The following HACL1 variants were observed in gnomAD, a reference collection of about 807,000 sequenced individuals.
HACL1 encodes the protein 2-hydroxyacyl-CoA lyase 1.
HACL1 carries 64 observed loss-of-function variants against 74.2 expected under a neutral mutation model. The ratio of observed to expected loss-of-function variants is 0.86; its 90% CI spans 0.70 to 1.06. HACL1 has a LOEUF of 1.06. Ranked by LOEUF, HACL1 falls within the 50% of genes least tolerant of loss-of-function variation. The pLI, the probability that HACL1 is intolerant of heterozygous loss-of-function variation, is 0.00. For missense variants in HACL1, 728 were observed against 719.7 expected, an observed-to-expected ratio of 1.01 and a Z score of -0.13; for synonymous variants, 230 against 238.8, an observed-to-expected ratio of 0.96 and a Z score of 0.34.
intron 8 of HACL1, among the ~76,000 whole-genome samples, chr3:15,582,228 C>T (rs1407265734): frequency 6.6e-6 from 1 of 152,130 alleles, no homozygotes; most frequent in Non-Finnish European, 1.5e-5. Context: ...GGTACAACAC[C>T]TCCAGAGAAA....
chr3:15,567,319 T>C (rs1343687904), intron 14 of HACL1, among the ~76,000 whole-genome samples: 1 of 151,040 alleles, frequency 6.6e-6, no homozygotes, highest in South Asian at 2.1e-4. Context: ...AAGCAACTCT[T>C]CTGCTTCAGC....
Position 15,571,674 on chromosome 3 carries a change from T to C in HACL1, c.1089A>G (p.Ala363=). The C allele has an allele frequency of 7.3e-7, 1 of 1,370,394 alleles. No homozygotes were observed. Among genetic ancestry groups the C allele is most frequent in the Non-Finnish European group, 1.0e-6 (1 of 958,114 alleles). The allele number at this position is 1,370,394 out of a possible 1,614,324, so 84.9% of individuals were successfully genotyped here. A position where few individuals can be genotyped will look rare whatever the true frequency, so the allele number is the denominator to read the frequency against. Residue 363 remains alanine (A), a synonymous_variant, in exon 12 of 17, where the codon GCA becomes GCG. Coordinates refer to ENST00000321169, the MANE Select transcript of HACL1 (RefSeq NM_012260.4). Reference sequence around the variant, plus strand: ...TCAGTAGGTCCGATTTTACCTTGGATGCAGCTTCATTGCTCTTCATTTTTT... The same window carrying C: ...TCAGTAGGTCCGATTTTACCTTGGACGCAGCTTCATTGCTCTTCATTTTTT... ...LREKMKSNEA[A]SKELASKKSL... is the part of the protein sequence containing the mutation.
At chr3:15,564,505 A>C in intron 15 of HACL1, 46 bp downstream of exon 15, 1 of 845,850 alleles carries the variant, frequency 1.2e-6, no homozygotes, top group Non-Finnish European at 2.0e-6. Context: ...AAAAGAGATT[A>C]AAACGGGAAA....
chr3:15,593,372 C>CA (rs1035654841), intron 3 of HACL1, among the ~76,000 whole-genome samples: 1 of 152,086 alleles, frequency 6.6e-6, no homozygotes, highest in African/African-American at 2.4e-5. Flanking sequence ...TGCCACCACA[C>CA]CCGGCTAATT....
chr3:15,601,153 G>A lies in HACL1; in HGVS notation c.123C>T (p.Thr41=). 6.2e-7 allele frequency: 1 copy of A among 1,613,906 alleles called. No individual in the cohort carries two copies. Among genetic ancestry groups the A allele is most frequent in the Non-Finnish European group, 8.5e-7 (1 of 1,179,796 alleles). The part of the protein sequence containing the change: ...YIFGIVGIPV[T]EIAIAAQQLG... Reference sequence around the variant, plus strand: ...GCTGCTGGGCAGCAATGGCGATTTCGGTCACTGGGATGCCTACGATGCCAA... The same window carrying A: ...GCTGCTGGGCAGCAATGGCGATTTCAGTCACTGGGATGCCTACGATGCCAA... The change falls in exon 2 of 17, where the codon ACC becomes ACT. Residue 41 remains threonine, a synonymous_variant. Coordinates refer to ENST00000321169, the MANE Select transcript of HACL1 (RefSeq NM_012260.4).
At chr3:15,569,456 C>T (rs149170915) in intron 12 of HACL1, among the ~76,000 whole-genome samples, 2,465 of 151,530 alleles carry the variant, frequency 0.016, 66 homozygotes, top group African/African-American at 0.053. Context: ...GAGGCCAAGG[C>T]GGGCGGATCA....
rs1353977353 is a variant in HACL1 at position 15,601,426 on chromosome 3, T to C, written c.38A>G (p.Gln13Arg). The change falls in exon 1 of 17, where the codon CAG becomes CGG. Residue 13 changes from glutamine to arginine, a missense_variant. By Grantham distance (43) the Gln-to-Arg change is conservative. Coordinates refer to ENST00000321169, the MANE Select transcript of HACL1 (RefSeq NM_012260.4). ...AGCGATGACTTTAGCACCAGACACC[T>C]GCTCCTCGCTGCGCTCTGCGAAGTT... Reference protein sequence around the residue: ...DSNFAERSEEQVSGAKVIAQA... With the variant: ...DSNFAERSEERVSGAKVIAQA... 13 of 1,613,926 alleles carry C rather than the reference T, an allele frequency of 8.1e-6. No individual in the cohort carries two copies. The highest frequency in any genetic ancestry group is 1.1e-5 in the Non-Finnish European group (13 of 1,180,032).
intron 14 of HACL1, 23 bp from the exon 15 acceptor site, chr3:15,564,681 A>G: frequency 1.1e-6 from 1 of 939,530 alleles, no homozygotes; most frequent in Non-Finnish European, 1.7e-6. Context: ...TAAAATATGA[A>G]GGAAATCATT....
Position 15,571,656 on chromosome 3 carries a change from G to T in HACL1, c.1095+12C>A. 2 of 1,108,396 alleles carry T rather than the reference G, an allele frequency of 1.8e-6. No individual in the cohort carries two copies. Among genetic ancestry groups the T allele is most frequent in the Non-Finnish European group, 2.8e-6 (2 of 719,824 alleles). The allele number at this position is 1,108,396 out of a possible 1,614,324, so 68.7% of individuals were successfully genotyped here. On this transcript the variant is annotated intron_variant, in intron 12 of 16. Coordinates refer to ENST00000321169, the MANE Select transcript of HACL1 (RefSeq NM_012260.4). ...CTGACCTGTTATTGAGCGTCAGTAGGTCCGATTTTACCTTGGATGCAGCTT... is the reference window on the plus strand; with the variant it reads ...CTGACCTGTTATTGAGCGTCAGTAGTTCCGATTTTACCTTGGATGCAGCTT...
At chr3:15,584,400 C>CA (rs2063758779) in intron 7 of HACL1, among the ~76,000 whole-genome samples, 1 of 152,104 alleles carries the variant, frequency 6.6e-6, no homozygotes, top group African/African-American at 2.4e-5. Context: ...CCAGCCTGGC[C>CA]AACATGATGG....
intron 12 of HACL1, among the ~76,000 whole-genome samples, chr3:15,569,222 G>A (rs575061128): frequency 5.4e-4 from 82 of 152,276 alleles, no homozygotes; most frequent in African/African-American, 2.0e-3. Flanking sequence ...CTGGCCCCAG[G>A]ACTGCCTCTT....
At chr3:15,592,564 ACACATGTACG>A (rs969724609) in intron 3 of HACL1, among the ~76,000 whole-genome samples, 4 of 148,236 alleles carry the variant, frequency 2.7e-5, no homozygotes, top group Admixed American at 6.8e-5. Context: ...GTGCGTGTAT[ACACATGTACG>A]CACATGTGTG....
chr3:15,591,816 T>C (rs1284151887), intron 3 of HACL1, 136 bp from the exon 4 acceptor site: 6 of 557,086 alleles, frequency 1.1e-5, no homozygotes, highest in Non-Finnish European at 2.0e-5. Flanking sequence ...AAAACAATTA[T>C]TAGAATATTT....
At chr3:15,580,205 G>T (rs1574926183) in intron 8 of HACL1, among the ~76,000 whole-genome samples, 160 bp from the exon 9 acceptor site, 1 of 152,150 alleles carries the variant, frequency 6.6e-6, no homozygotes, top group East Asian at 1.9e-4. Context: ...TTGGCTCACT[G>T]TAACCTCTGC....
At chr3:15,596,231 G>A (rs539868786) in intron 3 of HACL1, 153 bp downstream of exon 3, 1 of 597,076 alleles carries the variant, frequency 1.7e-6, no homozygotes. Context: ...TTCTTTTGAT[G>A]TGGTCCTCAG....
intron 14 of HACL1, among the ~76,000 whole-genome samples, chr3:15,565,433 C>T (rs184798779): frequency 5.9e-4 from 90 of 152,350 alleles, no homozygotes; most frequent in Admixed American, 1.3e-3. Flanking sequence ...ACACAATCTG[C>T]ACTCAAACTA....
intron 5 of HACL1, among the ~76,000 whole-genome samples, chr3:15,588,808 TGACA>T (rs1553644281): frequency 6.6e-5 from 10 of 152,132 alleles, no homozygotes; most frequent in Non-Finnish European, 8.8e-5. Flanking sequence ...CTTTTAATTT[TGACA>T]TGCTTTCTTT....
intron 5 of HACL1, 98 bp from the exon 6 acceptor site, chr3:15,586,700 A>C: frequency 1.4e-6 from 1 of 727,040 alleles, no homozygotes; most frequent in Non-Finnish European, 2.4e-6. Context: ...TTTTATGTTT[A>C]GAGGCAAGAT....
In HACL1 at chr3:15,601,207, G is replaced by C; in HGVS notation, c.82-13C>G. The C allele has an allele frequency of 6.3e-7, 1 of 1,594,614 alleles. No homozygotes were observed. The highest frequency in any genetic ancestry group is 8.6e-7 in the Non-Finnish European group (1 of 1,162,192). ...TGTACTCCACATCCTGAGGAACGAA[G>C]AACAGGGGAGTAAACTCCCAAGGCC... On this transcript the variant is annotated splice_polypyrimidine_tract_variant and intron_variant, in intron 1 of 16. Coordinates refer to ENST00000321169, the MANE Select transcript of HACL1 (RefSeq NM_012260.4).
Sources: gnomAD v4.1 joint callset for allele counts (sites outside exome capture counted in the v4.1 genomes callset) on GRCh38, gnomAD v4.1.1 for gene constraint, MANE v1.5 for transcripts, NCBI Gene and HGNC (gene_info 2026-07-23, HGNC 2026-07-21) for gene names.